The following KCNC1 variants were observed in gnomAD, a reference collection of about 807,000 sequenced individuals.
The protein encoded by KCNC1 is potassium voltage-gated channel subfamily C member 1.
In KCNC1, 8 loss-of-function variants were observed where a neutral mutation model predicts 43.4. The ratio of observed to expected loss-of-function variants is 0.18; its 90% CI spans 0.11 to 0.33. The LOEUF (loss-of-function observed/expected upper bound fraction) is 0.33. Ranked by LOEUF, KCNC1 falls within the 10% of genes least tolerant of loss-of-function variation. The pLI is 1.00. For missense variants in KCNC1, 420 were observed against 836.0 expected (o/e 0.50, Z 6.14); for synonymous variants, 361 against 360.5 (o/e 1.00, Z -0.01).
intron 1 of KCNC1, among the ~76,000 whole-genome samples, chr11:17,746,267 G>A (rs1300565947): frequency 2.6e-5 from 4 of 152,168 alleles, no homozygotes; most frequent in Non-Finnish European, 5.9e-5. Flanking sequence ...CCACCTGCTG[G>A]TGTCACCACC....
Position 17,771,988 on chromosome 11 carries a change from G to C in KCNC1, c.894G>C (p.Leu298=). 3 of 1,614,118 alleles carry C rather than the reference G, an allele frequency of 1.9e-6. No homozygotes were observed. The highest frequency in any genetic ancestry group is 2.5e-6 in the Non-Finnish European group (3 of 1,180,034). ...PFYLEVGLSG[L]SSKAAKDVLG... is the part of the protein sequence containing the mutation. Reference sequence around the variant, plus strand: ...ACCTGGAGGTGGGGCTGAGCGGCCTGTCCTCCAAGGCAGCCAAGGACGTGC... The same window carrying C: ...ACCTGGAGGTGGGGCTGAGCGGCCTCTCCTCCAAGGCAGCCAAGGACGTGC... Residue 298 remains leucine, a synonymous_variant, in exon 2 of 4, where the codon CTG becomes CTC. Transcript: ENST00000265969. This position sits in a 1 kb window ranked among gnomAD's most constrained non-coding sequence, Gnocchi z 4.7.
In KCNC1 at chr11:17,773,508, A is replaced by G; in HGVS notation, c.1504+910A>G. 2.0e-6 allele frequency: 2 copies of G among 983,760 alleles called. No homozygotes were observed. Among genetic ancestry groups the G allele is most frequent in the Non-Finnish European group, 1.2e-6 (1 of 829,580 alleles). 60.9% of individuals were successfully genotyped at this position (983,760 alleles called of 1,614,324 possible). On this transcript the variant is annotated intron_variant, in intron 2 of 3. Coordinates refer to ENST00000265969, the MANE Select transcript of KCNC1 (RefSeq NM_001112741.2). This position sits in a 1 kb window ranked among gnomAD's most constrained non-coding sequence, Gnocchi z 4.1. ...CAGCGGTAGGGACTGCAGCAGCAAT[A>G]TAGACATCCCAACCAGTGTACAACC... is the stretch of plus-strand genomic sequence containing the variant.
Position 17,748,261 on chromosome 11 carries a change from A to G in KCNC1, c.570+11689A>G, listed in dbSNP as rs148070379. ...GAGGTGAGGAAGGAGGCCACAGGAC[A>G]CCTGGGCAGCAGAGGAAGTGAGATG... On this transcript the variant is annotated intron_variant, in intron 1 of 3. Coordinates refer to ENST00000265969, the MANE Select transcript of KCNC1 (RefSeq NM_001112741.2). 3.5e-3 allele frequency among the ~76,000 whole-genome samples: 533 copies of G among 152,270 alleles called. 8 individuals carry two copies. Among genetic ancestry groups the G allele is most frequent in the East Asian group, 0.034 (175 of 5,170 alleles).
At position 17,776,147 on chromosome 11, in the gene KCNC1, G is replaced by A. The variant is rs1159739545; in HGVS notation, c.1505-3309G>A. 2.0e-6 allele frequency: 2 copies of A among 985,444 alleles called. No individual in the cohort carries two copies. The highest frequency in any genetic ancestry group is 3.5e-5 in the African/African-American group (2 of 57,334). The allele number at this position is 985,444 out of a possible 1,614,324, so 61.0% of individuals were successfully genotyped here. A position where few individuals can be genotyped will look rare whatever the true frequency, so the allele number is the denominator to read the frequency against. ...AGCGGAGAAATGAAGTGACGCCAGG[G>A]GCCAGGCATGGGTGTTCTTTTCCGT... On this transcript the variant is annotated intron_variant, in intron 2 of 3. Transcript: ENST00000265969. The surrounding 1 kb of genome is among the most constrained non-coding windows in gnomAD (Gnocchi z 4.4).
chr11:17,781,851 G>A lies in KCNC1; in HGVS notation c.*117G>A. The stretch of plus-strand genomic sequence containing the variant: ...ATGCAGGTTTGCCGGACGAGTCCGA[G>A]TGGCCCAGGCATTGTACTAGGACGG... On this transcript the variant is annotated 3_prime_UTR_variant, in exon 4 of 4. Coordinates refer to ENST00000265969, the MANE Select transcript of KCNC1 (RefSeq NM_001112741.2). This position sits in a 1 kb window ranked among gnomAD's most constrained non-coding sequence, Gnocchi z 5.1. 5.6e-6 allele frequency: 4 copies of A among 708,230 alleles called. No individual in the cohort carries two copies. The highest frequency in any genetic ancestry group is 1.0e-5 in the Non-Finnish European group (4 of 399,354). The allele number at this position is 708,230 out of a possible 1,614,324, so 43.9% of individuals were successfully genotyped here.
chr11:17,765,437 G>A (rs1849137207), intron 1 of KCNC1, among the ~76,000 whole-genome samples: 1 of 152,192 alleles, frequency 6.6e-6, no homozygotes, highest in African/African-American at 2.4e-5. Flanking sequence ...TGGGGTTATG[G>A]TAAAAATAAC....
intron 1 of KCNC1, among the ~76,000 whole-genome samples, chr11:17,756,800 T>C (rs778668257): frequency 2.0e-5 from 3 of 152,184 alleles, no homozygotes; most frequent in Non-Finnish European, 4.4e-5. Context: ...TGCTATATAC[T>C]GAAGAAGGCT....
At chr11:17,759,431 G>A (rs1849053309) in intron 1 of KCNC1, among the ~76,000 whole-genome samples, 1 of 152,142 alleles carries the variant, frequency 6.6e-6, no homozygotes, top group Non-Finnish European at 1.5e-5. Context: ...TTTCCTTTTA[G>A]AACTTTTCCT....
At chr11:17,753,344 C>G (rs1441393137) in intron 1 of KCNC1, among the ~76,000 whole-genome samples, 1 of 152,214 alleles carries the variant, frequency 6.6e-6, no homozygotes, top group African/African-American at 2.4e-5. Flanking sequence ...GCCCCTGAGC[C>G]CCAGGCAGCT....
At position 17,768,234 on chromosome 11, in the gene KCNC1, G is replaced by T. The variant is rs979144894; in HGVS notation, c.571-3431G>T. 2.0e-5 allele frequency among the ~76,000 whole-genome samples: 3 copies of T among 152,204 alleles called. No homozygotes were observed. In the South Asian group the frequency reaches 6.2e-4, roughly 32 times the overall value. Reference sequence around the variant, plus strand: ...CTCAGGGGACGGGTCACTTAGTAGGGCCCTGAAGGATGAATGGGATTTTTC... The same window carrying T: ...CTCAGGGGACGGGTCACTTAGTAGGTCCCTGAAGGATGAATGGGATTTTTC... On this transcript the variant is annotated intron_variant, in intron 1 of 3. Coordinates refer to ENST00000265969, the MANE Select transcript of KCNC1 (RefSeq NM_001112741.2).
chr11:17,736,410 C>T lies in KCNC1; in HGVS notation c.408C>T (p.Ala136=), dbSNP rs2133774376. 2.5e-6 allele frequency: 4 copies of T among 1,608,916 alleles called. No homozygotes were observed. Among genetic ancestry groups the T allele is most frequent in the Admixed American group, 3.4e-5 (2 of 59,586 alleles). Residue 136 remains alanine, a synonymous_variant, in exon 1 of 4, where the codon GCC becomes GCT. Coordinates refer to ENST00000265969, the MANE Select transcript of KCNC1 (RefSeq NM_001112741.2). The surrounding 1 kb of genome is among the most constrained non-coding windows in gnomAD (Gnocchi z 9.3). ...PLDNSADDAD[A]DGPGDSGDGE... Reference sequence around the variant, plus strand: ...ACAACAGCGCCGACGACGCGGACGCCGACGGCCCTGGCGACTCGGGCGACG... The same window carrying T: ...ACAACAGCGCCGACGACGCGGACGCTGACGGCCCTGGCGACTCGGGCGACG...
chr11:17,763,285 A>G (rs762915094), intron 1 of KCNC1, among the ~76,000 whole-genome samples: 7 of 151,734 alleles, frequency 4.6e-5, no homozygotes, highest in South Asian at 4.2e-4. Flanking sequence ...CACCCTGCCT[A>G]TCACCTTCCT....
At chr11:17,750,307 C>A (rs1423200223) in intron 1 of KCNC1, among the ~76,000 whole-genome samples, 1 of 152,092 alleles carries the variant, frequency 6.6e-6, no homozygotes, top group Non-Finnish European at 1.5e-5. Context: ...CCTGGCTGAG[C>A]CACAGAGGCA....
intron 1 of KCNC1, among the ~76,000 whole-genome samples, chr11:17,740,124 T>A (rs1848821476): frequency 6.6e-6 from 1 of 152,148 alleles, no homozygotes; most frequent in Admixed American, 6.5e-5. Flanking sequence ...AGGGGCTACA[T>A]AGTCGGGGCG....
Position 17,781,848 on chromosome 11 carries a change from C to T in KCNC1, c.*114C>T, listed in dbSNP as rs116327424. The stretch of plus-strand genomic sequence containing the variant: ...GCCATGCAGGTTTGCCGGACGAGTC[C>T]GAGTGGCCCAGGCATTGTACTAGGA... On this transcript the variant is annotated 3_prime_UTR_variant, in exon 4 of 4. Coordinates refer to ENST00000265969, the MANE Select transcript of KCNC1 (RefSeq NM_001112741.2). The surrounding 1 kb of genome is among the most constrained non-coding windows in gnomAD (Gnocchi z 5.1). 6.9e-5 allele frequency: 50 copies of T among 723,826 alleles called. No individual in the cohort carries two copies. In the African/African-American group the frequency reaches 7.2e-4, roughly 10 times the overall value. The allele number at this position is 723,826 out of a possible 1,614,324, so 44.8% of individuals were successfully genotyped here.
At chr11:17,769,434 AGAAG>A (rs1849196484) in intron 1 of KCNC1, among the ~76,000 whole-genome samples, 1 of 151,722 alleles carries the variant, frequency 6.6e-6, no homozygotes, top group African/African-American at 2.4e-5. Context: ...GAGAGAGAAA[AGAAG>A]GGAGGGAGGA....
At position 17,777,238 on chromosome 11, in the gene KCNC1, G is replaced by T. The variant is rs1221442597; in HGVS notation, c.1505-2218G>T. 1.0e-6 allele frequency: 1 copy of T among 985,734 alleles called. No individual in the cohort carries two copies. The highest frequency in any genetic ancestry group is 1.7e-5 in the African/African-American group (1 of 57,152). 61.1% of individuals were successfully genotyped at this position (985,734 alleles called of 1,614,324 possible). A position where few individuals can be genotyped will look rare whatever the true frequency, so the allele number is the denominator to read the frequency against. ...CGGCACCATCTCCACAGAGGCAGAG[G>T]CAGAGAGAAGGCACCCCCCTCTGAC... On this transcript the variant is annotated intron_variant, in intron 2 of 3. Coordinates refer to ENST00000265969, the MANE Select transcript of KCNC1 (RefSeq NM_001112741.2). This position sits in a 1 kb window ranked among gnomAD's most constrained non-coding sequence, Gnocchi z 4.3.
At chr11:17,758,601 G>T (rs1370132994) in intron 1 of KCNC1, among the ~76,000 whole-genome samples, 1 of 152,184 alleles carries the variant, frequency 6.6e-6, no homozygotes, top group African/African-American at 2.4e-5. Context: ...TGGTCCATGG[G>T]CTTCAGAATG....
At chr11:17,748,262 C>T (rs1012106) in intron 1 of KCNC1, among the ~76,000 whole-genome samples, 134,542 of 152,180 alleles carry the variant, frequency 0.88, 59,962 homozygotes, top group East Asian at 1. Context: ...CCACAGGACA[C>T]CTGGGCAGCA....
Sources: allele counts gnomAD v4.1 joint callset (sites outside exome capture counted in the v4.1 genomes callset), GRCh38; gene constraint gnomAD v4.1.1; non-coding constraint Gnocchi (gnomAD v3.1); transcripts MANE v1.5; gene names NCBI Gene and HGNC (gene_info 2026-07-23, HGNC 2026-07-21).